FOXN3: variants seen among roughly 807,000 people sequenced by gnomAD.
FOXN3 encodes forkhead box protein N3.
A neutral mutation model predicts 38.4 loss-of-function variants in FOXN3; 7 were observed. The ratio of observed to expected loss-of-function variants is 0.18; its 90% CI spans 0.10 to 0.34. The LOEUF is 0.34. Among genes scored for constraint, FOXN3 ranks in the 10% least tolerant of loss-of-function variants. The pLI is 1.00. For missense variants in FOXN3, 456 were observed against 613.4 expected, an observed-to-expected ratio of 0.74 and a Z score of 2.71; for synonymous variants, 230 against 242.2, an observed-to-expected ratio of 0.95 and a Z score of 0.47.
intron 2 of FOXN3, among the ~76,000 whole-genome samples, chr14:89,368,517 C>T (rs903781284): frequency 8.6e-5 from 13 of 151,998 alleles, no homozygotes; most frequent in African/African-American, 2.7e-4. Flanking sequence ...TGGTGGTACA[C>T]GCCTGTAGTC....
chr14:89,170,259 A>G (rs1887353634), intron 5 of FOXN3, among the ~76,000 whole-genome samples: 1 of 152,210 alleles, frequency 6.6e-6, no homozygotes, highest in Non-Finnish European at 1.5e-5. Flanking sequence ...TCAAATCTAC[A>G]TTGGAATGGG....
chr14:89,258,912 T>A (rs78768169), intron 4 of FOXN3, among the ~76,000 whole-genome samples: 5,754 of 152,282 alleles, frequency 0.038, 327 homozygotes, highest in African/African-American at 0.13. Context: ...ACCTCTCACA[T>A]CCTCTCACAT....
intron 2 of FOXN3, chr14:89,353,687 T>C (rs77575229): frequency 6.6e-6 from 1 of 152,194 alleles, no homozygotes; most frequent in Non-Finnish European, 1.5e-5. Flanking sequence ...AACATCAAGC[T>C]GAGGTTTAAT....
Position 89,499,466 on chromosome 14 carries a change from A to ATT in FOXN3, c.-14-86978_-14-86977dup, listed in dbSNP as rs538696827. 5.4e-3 allele frequency among the ~76,000 whole-genome samples: 753 copies of ATT among 138,948 alleles called. 9 individuals are homozygous for ATT. The highest frequency in any genetic ancestry group is 0.018 in the African/African-American group (699 of 38,380). The allele number at this position is 138,948 out of a possible 152,430, so 91.2% of individuals were successfully genotyped here. A position where few individuals can be genotyped will look rare whatever the true frequency, so the allele number is the denominator to read the frequency against. Reference sequence around the variant, plus strand: ...TACATGGGAATGTCTTTTGATTTTGATTTTTTTTTTTTTTGCCGTGTCTTT... The same window carrying ATT: ...TACATGGGAATGTCTTTTGATTTTGATTTTTTTTTTTTTTTTGCCGTGTCTTT... On this transcript the variant is annotated intron_variant, in intron 1 of 6. Coordinates refer to the FOXN3 transcript ENST00000345097.
At chr14:89,296,131 C>T (rs1032532283) in intron 3 of FOXN3, among the ~76,000 whole-genome samples, 1 of 152,040 alleles carries the variant, frequency 6.6e-6, no homozygotes, top group East Asian at 1.9e-4. Context: ...TAAATACATG[C>T]ATATTTTTTA....
intron 3 of FOXN3, among the ~76,000 whole-genome samples, chr14:89,345,093 C>T (rs1052802529): frequency 3.9e-5 from 6 of 152,098 alleles, no homozygotes; most frequent in South Asian, 2.1e-4. Flanking sequence ...AGCTCAGCCA[C>T]GGGTACTCTA....
intron 4 of FOXN3, among the ~76,000 whole-genome samples, chr14:89,271,240 AAG>A (rs1228132408): frequency 3.3e-5 from 5 of 152,242 alleles, no homozygotes; most frequent in Non-Finnish European, 7.3e-5. Context: ...ATATATTCTA[AAG>A]AGTTATTCTT....
At chr14:89,370,513 G>C (rs572481251) in intron 2 of FOXN3, among the ~76,000 whole-genome samples, 5 of 152,190 alleles carry the variant, frequency 3.3e-5, no homozygotes, top group Non-Finnish European at 5.9e-5. Context: ...CAAAGAGTGG[G>C]AAACTCATGC....
At chr14:89,246,767 C>A (rs191174266) in intron 4 of FOXN3, among the ~76,000 whole-genome samples, 45 of 151,996 alleles carry the variant, frequency 3.0e-4, no homozygotes, top group Non-Finnish European at 1.0e-4. Context: ...TCTTGAACTC[C>A]TGACCTTGTG....
intron 3 of FOXN3, among the ~76,000 whole-genome samples, chr14:89,299,732 C>T (rs1438657445): frequency 6.6e-6 from 1 of 152,118 alleles, no homozygotes; most frequent in East Asian, 1.9e-4. Context: ...CTGAGGAAGC[C>T]CAGCCACTCC....
At chr14:89,481,017 C>A (rs1434357580) in intron 1 of FOXN3, among the ~76,000 whole-genome samples, 3 of 151,592 alleles carry the variant, frequency 2.0e-5, no homozygotes, top group Admixed American at 2.0e-4. Flanking sequence ...AATTGCAATA[C>A]AGACTCCTAA....
intron 1 of FOXN3, among the ~76,000 whole-genome samples, chr14:89,477,005 A>C (rs1893225228): frequency 8.1e-6 from 1 of 123,028 alleles, no homozygotes; most frequent in Non-Finnish European, 1.8e-5. Context: ...CCAGCAATAA[A>C]ATTTCAAAAA....
At position 89,575,753 on chromosome 14, in the gene FOXN3, T is replaced by C. The variant is rs558258768; in HGVS notation, c.-15+43275A>G. Among the ~76,000 whole-genome samples, 11 of 152,302 alleles carry C rather than the reference T, an allele frequency of 7.2e-5. No homozygotes were observed. The East Asian group carries it at 2.1e-3, about 29-fold the overall frequency. On this transcript the variant is annotated intron_variant, in intron 1 of 6. Coordinates refer to the FOXN3 transcript ENST00000345097. ...GATGGTCTCTAACAACTGTTTCTTA[T>C]TTAGGTTTGATAACCCCAGTTCACG...
At chr14:89,415,604 C>CAAAAAAAAAAAA (rs34026101) in intron 1 of FOXN3, among the ~76,000 whole-genome samples, 12 of 54,280 alleles carry the variant, frequency 2.2e-4, no homozygotes, top group African/African-American at 3.9e-4. Flanking sequence ...CAACAATAAC[C>CAAAAAAAAAAAA]AAAAAAAAAA....
rs143938916 is a variant in FOXN3, at chr14:89,205,269, G to T, written c.746-24463C>A. On this transcript the variant is annotated intron_variant, in intron 4 of 5. Coordinates refer to ENST00000557258, the MANE Select transcript of FOXN3 (RefSeq NM_005197.4). ...TTGAAACCGAATCACCAAGGTGAAA[G>T]CATGAGGAGGTGAGGCCTTTGGGAG... Among the ~76,000 whole-genome samples, 28 of 152,298 alleles carry T rather than the reference G, an allele frequency of 1.8e-4. No individual in the cohort carries two copies. In the East Asian group the frequency reaches 4.8e-3, roughly 26 times the overall value.
intron 1 of FOXN3, among the ~76,000 whole-genome samples, chr14:89,571,127 T>C (rs1312232782): frequency 6.6e-6 from 1 of 152,168 alleles, no homozygotes; most frequent in Admixed American, 6.5e-5. Flanking sequence ...TCTAATCAGG[T>C]GTGCAGTCTG....
intron 4 of FOXN3, among the ~76,000 whole-genome samples, chr14:89,184,805 C>A (rs79587652): frequency 6.6e-6 from 1 of 152,168 alleles, no homozygotes. Context: ...TCATCGTCAT[C>A]GTCACCGTCA....
chr14:89,524,650 A>C (rs1446762625), intron 1 of FOXN3, among the ~76,000 whole-genome samples: 1 of 152,024 alleles, frequency 6.6e-6, no homozygotes, highest in Admixed American at 6.6e-5. Context: ...AGATATTAAA[A>C]GTATAGGAGG....
chr14:89,371,323 T>C (rs1890313970), intron 2 of FOXN3, among the ~76,000 whole-genome samples: 1 of 152,140 alleles, frequency 6.6e-6, no homozygotes, highest in African/African-American at 2.4e-5. Context: ...TATCAAGTGC[T>C]TGAAAATAAA....
Sources: allele counts gnomAD v4.1 joint callset (sites outside exome capture counted in the v4.1 genomes callset), GRCh38; gene constraint gnomAD v4.1.1; transcripts MANE v1.5; gene names NCBI Gene and HGNC (gene_info 2026-07-23, HGNC 2026-07-21).